Variants in GUCY1A2 observed in about 807,000 individuals in gnomAD.
GUCY1A2 encodes guanylate cyclase soluble subunit alpha-2.
GUCY1A2 carries 27 observed loss-of-function variants against 63.5 expected under a neutral mutation model. The ratio of observed to expected loss-of-function variants is 0.43; its 90% CI spans 0.31 to 0.59. GUCY1A2 has a LOEUF of 0.59. Among genes scored for constraint, GUCY1A2 ranks in the 20% least tolerant of loss-of-function variants. GUCY1A2 has a pLI of 0.11. For missense variants in GUCY1A2, 768 were observed against 913.3 expected (o/e 0.84, Z 2.05); for synonymous variants, 364 against 343.5 (o/e 1.06, Z -0.66).
chr11:106,795,463 TA>T (rs1473149029), intron 5 of GUCY1A2, among the ~76,000 whole-genome samples: 1 of 152,182 alleles, frequency 6.6e-6, no homozygotes, highest in Non-Finnish European at 1.5e-5. Flanking sequence ...AATATAACAT[TA>T]AAAATGCTTT....
At chr11:106,936,709 T>C (rs1237192195) in intron 4 of GUCY1A2, 2 of 1,487,476 alleles carry the variant, frequency 1.3e-6, no homozygotes, top group Non-Finnish European at 1.8e-6. Flanking sequence ...GTGACATGCT[T>C]GCTCTTGATT....
At chr11:106,748,134 G>C (rs974460234) in intron 6 of GUCY1A2, among the ~76,000 whole-genome samples, 3 of 152,146 alleles carry the variant, frequency 2.0e-5, no homozygotes, top group African/African-American at 7.2e-5. Context: ...GGTAAAGTGG[G>C]TGGCTGAATT....
chr11:106,757,345 C>G (rs369248495), intron 6 of GUCY1A2, among the ~76,000 whole-genome samples: 46 of 152,324 alleles, frequency 3.0e-4, no homozygotes, highest in African/African-American at 1.1e-3. Flanking sequence ...CTGAAACCTA[C>G]TTCTGTCAAG....
At chr11:106,750,258 C>G (rs1179769199) in intron 6 of GUCY1A2, among the ~76,000 whole-genome samples, 5 of 152,046 alleles carry the variant, frequency 3.3e-5, no homozygotes, top group African/African-American at 9.7e-5. Context: ...TTTAGCAAGC[C>G]AGCTTATCCC....
chr11:106,809,702 C>G (rs962214847), intron 5 of GUCY1A2, among the ~76,000 whole-genome samples: 2 of 151,880 alleles, frequency 1.3e-5, no homozygotes, highest in Non-Finnish European at 2.9e-5. Flanking sequence ...AAAAAGTTAC[C>G]TAGAATTCAA....
chr11:106,721,827 T>A (rs1180997050), intron 6 of GUCY1A2, among the ~76,000 whole-genome samples: 1 of 152,218 alleles, frequency 6.6e-6, no homozygotes, highest in Non-Finnish European at 1.5e-5. Context: ...AGGAATCCAA[T>A]GGTGGGCTTC....
At chr11:106,883,485 C>A (rs964941850) in intron 4 of GUCY1A2, among the ~76,000 whole-genome samples, 1 of 152,008 alleles carries the variant, frequency 6.6e-6, no homozygotes, top group Non-Finnish European at 1.5e-5. Context: ...AAATGGTTTC[C>A]GTCCCCATGG....
At chr11:106,708,715 A>G (rs778843668) in intron 6 of GUCY1A2, 49 bp from the exon 7 acceptor site, 4 of 1,335,610 alleles carry the variant, frequency 3.0e-6, no homozygotes, top group East Asian at 2.6e-5. Context: ...TCCATTTGGT[A>G]TGCAATTATT....
At chr11:106,876,630 C>T (rs184509934) in intron 4 of GUCY1A2, among the ~76,000 whole-genome samples, 2 of 152,014 alleles carry the variant, frequency 1.3e-5, no homozygotes, top group Admixed American at 6.6e-5. Context: ...TTGGAATGTT[C>T]GCTAGTATTA....
chr11:106,689,695 A>G (rs1488497910), intron 7 of GUCY1A2, among the ~76,000 whole-genome samples: 1 of 152,184 alleles, frequency 6.6e-6, no homozygotes, highest in Non-Finnish European at 1.5e-5. Flanking sequence ...AATGGCTATT[A>G]TTAAAAAGCC....
intron 4 of GUCY1A2, among the ~76,000 whole-genome samples, chr11:106,925,198 AG>A (rs1433279795): frequency 6.6e-6 from 1 of 152,040 alleles, no homozygotes; most frequent in Non-Finnish European, 1.5e-5. Context: ...ACAGAGAGAG[AG>A]GAGAAAGAGA....
intron 5 of GUCY1A2, among the ~76,000 whole-genome samples, chr11:106,808,294 AT>A (rs1858719107): frequency 1.3e-5 from 2 of 152,214 alleles, no homozygotes; most frequent in East Asian, 3.9e-4. Context: ...TTATATAAAC[AT>A]TTTGTAAGTT....
At chr11:106,733,634 G>A (rs1447473186) in intron 6 of GUCY1A2, among the ~76,000 whole-genome samples, 1 of 152,186 alleles carries the variant, frequency 6.6e-6, no homozygotes, top group Non-Finnish European at 1.5e-5. Context: ...CTGAAGAACA[G>A]AGATACGGAG....
chr11:106,796,619 T>G (rs932662894), intron 5 of GUCY1A2, among the ~76,000 whole-genome samples: 2 of 152,206 alleles, frequency 1.3e-5, no homozygotes, highest in African/African-American at 4.8e-5. Flanking sequence ...CTCTTCTGGC[T>G]TATAGAGTTT....
At chr11:106,700,678 T>C (rs1272501245) in intron 7 of GUCY1A2, among the ~76,000 whole-genome samples, 2 of 152,134 alleles carry the variant, frequency 1.3e-5, no homozygotes, top group African/African-American at 4.8e-5. Flanking sequence ...GGTGCTTCCA[T>C]AGAGAAAAGG....
At chr11:106,973,216 C>T (rs1237438429) in intron 3 of GUCY1A2, among the ~76,000 whole-genome samples, 2 of 152,118 alleles carry the variant, frequency 1.3e-5, no homozygotes, top group African/African-American at 4.8e-5. Context: ...ACATCAGAAA[C>T]ACAGCCTTTT....
chr11:106,742,116 A>G (rs1863704625), intron 6 of GUCY1A2, among the ~76,000 whole-genome samples: 1 of 152,232 alleles, frequency 6.6e-6, no homozygotes, highest in Admixed American at 6.5e-5. Flanking sequence ...TGTTATCAAA[A>G]TACACTCAAC....
At chr11:106,704,232 T>C (rs1283181989) in intron 7 of GUCY1A2, among the ~76,000 whole-genome samples, 2 of 152,186 alleles carry the variant, frequency 1.3e-5, no homozygotes, top group Admixed American at 6.5e-5. Context: ...AGATGGTTTC[T>C]TCCTCCATGG....
At chr11:106,761,092 A>G (rs1565281025) in intron 6 of GUCY1A2, among the ~76,000 whole-genome samples, 2 of 152,206 alleles carry the variant, frequency 1.3e-5, no homozygotes, top group East Asian at 3.9e-4. Flanking sequence ...CAGAAAAAGA[A>G]AAACTACAAT....
Sources: gnomAD v4.1 joint callset for allele counts (sites outside exome capture counted in the v4.1 genomes callset) on GRCh38, gnomAD v4.1.1 for gene constraint, MANE v1.5 for transcripts, NCBI Gene and HGNC (gene_info 2026-07-23, HGNC 2026-07-21) for gene names.